RGS6: variants seen among roughly 807,000 people sequenced by gnomAD.
The protein encoded by RGS6 is regulator of G protein signaling 6.
Under a neutral mutation model 78.5 loss-of-function variants are expected in RGS6, and 30 were observed. That is an observed-to-expected ratio of 0.38 (90% CI 0.29 to 0.52). The LOEUF (loss-of-function observed/expected upper bound fraction) is 0.52. Among genes scored for constraint, RGS6 ranks in the 20% least tolerant of loss-of-function variants. The pLI is 0.85. For synonymous variants in RGS6, 206 were observed against 206.0 expected (o/e 1.00, Z 0.00); for missense variants, 495 against 609.7 (o/e 0.81, Z 1.98).
chr14:72,541,781 G>A (rs2097331240), intron 17 of RGS6, among the ~76,000 whole-genome samples: 1 of 152,230 alleles, frequency 6.6e-6, no homozygotes, highest in African/African-American at 2.4e-5. Flanking sequence ...GGCCACGGGT[G>A]TGAGAGGGGA....
intron 3 of RGS6, among the ~76,000 whole-genome samples, chr14:72,428,687 A>C (rs1463294878): frequency 6.6e-6 from 1 of 152,202 alleles, no homozygotes; most frequent in Admixed American, 6.5e-5. Flanking sequence ...GCCTTGCTGC[A>C]ACAGATAGGA....
Position 72,465,685 on chromosome 14 carries a change from G to A in RGS6, c.395-73G>A. 6.5e-6 allele frequency: 7 copies of A among 1,070,910 alleles called. No homozygotes were observed. The South Asian group carries it at 9.0e-5, about 14-fold the overall frequency. 66.3% of individuals were successfully genotyped at this position (1,070,910 alleles called of 1,614,324 possible). On this transcript the variant is annotated intron_variant, in intron 6 of 17. Transcript: ENST00000553525. Reference sequence around the variant, plus strand: ...GGGTGAATGGGTGAATGGATGGACAGATGGATGGATGGGCTTATAATTCCA... The same window carrying A: ...GGGTGAATGGGTGAATGGATGGACAAATGGATGGATGGGCTTATAATTCCA...
At chr14:72,163,454 G>T (rs923136312) in intron 2 of RGS6, among the ~76,000 whole-genome samples, 5 of 152,210 alleles carry the variant, frequency 3.3e-5, no homozygotes, top group African/African-American at 7.2e-5. Context: ...GCAGGTACCG[G>T]ACTCTCAAGA....
chr14:71,867,449 A>G, the RGS6 span, among the ~76,000 whole-genome samples: 100 of 151,944 alleles, frequency 6.6e-4, 1 homozygote, highest in African/African-American at 2.4e-3. Flanking sequence ...ATCATCTCAC[A>G]TCCAATAGAG....
chr14:72,411,287 TC>T (rs1420680159), intron 3 of RGS6, among the ~76,000 whole-genome samples: 1 of 152,244 alleles, frequency 6.6e-6, no homozygotes, highest in Non-Finnish European at 1.5e-5. Flanking sequence ...GTCATTCATA[TC>T]CCTTGTCAGT....
chr14:72,171,308 G>T (rs2097014300), intron 2 of RGS6, among the ~76,000 whole-genome samples: 1 of 152,142 alleles, frequency 6.6e-6, no homozygotes, highest in African/African-American at 2.4e-5. Flanking sequence ...TTTTCAGCCA[G>T]TCATTATAGA....
intron 2 of RGS6, among the ~76,000 whole-genome samples, chr14:72,047,364 TAATCCCCACA>T (rs1425611397): frequency 6.6e-6 from 1 of 152,264 alleles, no homozygotes; most frequent in Non-Finnish European, 1.5e-5. Context: ...TAGTTTTGTT[TAATCCCCACA>T]ATATATCTAA....
At chr14:72,096,280 TAAAAA>T (rs34691700) in intron 2 of RGS6, among the ~76,000 whole-genome samples, 1 of 144,168 alleles carries the variant, frequency 6.9e-6, no homozygotes, top group African/African-American at 2.5e-5. Flanking sequence ...GACTCTGTCT[TAAAAA>T]AAAAAAAAGA....
chr14:71,905,437 A>T, the RGS6 span, among the ~76,000 whole-genome samples: 1 of 152,200 alleles, frequency 6.6e-6, no homozygotes, highest in South Asian at 2.1e-4. Flanking sequence ...CTGAAAATGT[A>T]TACTTAAACA....
chr14:72,054,376 G>C (rs1235336388), intron 2 of RGS6, among the ~76,000 whole-genome samples: 1 of 152,210 alleles, frequency 6.6e-6, no homozygotes, highest in Non-Finnish European at 1.5e-5. Flanking sequence ...GAAGATGACA[G>C]TTCTACACCT....
chr14:72,006,353 A>G (rs568481296), intron 2 of RGS6, among the ~76,000 whole-genome samples: 3 of 152,314 alleles, frequency 2.0e-5, no homozygotes. Flanking sequence ...CTACCTCCTC[A>G]TATTCAAGCC....
At chr14:72,445,128 G>A (rs951800740) in intron 3 of RGS6, among the ~76,000 whole-genome samples, 4 of 152,220 alleles carry the variant, frequency 2.6e-5, no homozygotes, top group Non-Finnish European at 5.9e-5. Context: ...AAAAGGAGGA[G>A]GCTTTGAATT....
chr14:72,540,490 GAA>G (rs113373446), intron 17 of RGS6: 13,361 of 1,376,230 alleles, frequency 9.7e-3, no homozygotes, highest in East Asian at 0.025. Flanking sequence ...ATAGCTCATC[GAA>G]AAAAAAAAAA....
chr14:72,062,375 C>T (rs1044657289), intron 2 of RGS6, among the ~76,000 whole-genome samples: 3 of 152,182 alleles, frequency 2.0e-5, no homozygotes, highest in Non-Finnish European at 4.4e-5. Flanking sequence ...AGGGCCTGCC[C>T]TGCCTCTGAT....
At chr14:72,027,133 T>C (rs2090018271) in intron 2 of RGS6, among the ~76,000 whole-genome samples, 1 of 151,994 alleles carries the variant, frequency 6.6e-6, no homozygotes, top group African/African-American at 2.4e-5. Flanking sequence ...TTGTGGGTCA[T>C]GGCATGGTCA....
intron 2 of RGS6, among the ~76,000 whole-genome samples, chr14:72,351,068 T>C (rs1056986757): frequency 2.6e-5 from 4 of 152,186 alleles, no homozygotes; most frequent in African/African-American, 4.8e-5. Context: ...TATGTTAGAA[T>C]AAGTGAGCTG....
chr14:72,444,791 A>G (rs530435943), intron 3 of RGS6, among the ~76,000 whole-genome samples: 1 of 152,258 alleles, frequency 6.6e-6, no homozygotes, highest in Non-Finnish European at 1.5e-5. Context: ...CCCCTGGTTT[A>G]GGAGTGCATA....
At chr14:72,461,455 TAAAC>T (rs938064025) in intron 6 of RGS6, among the ~76,000 whole-genome samples, 2 of 152,196 alleles carry the variant, frequency 1.3e-5, no homozygotes, top group African/African-American at 4.8e-5. Flanking sequence ...AGGCTCTCAT[TAAAC>T]AAAAATTATT....
chr14:72,506,008 G>A (rs960012346), intron 13 of RGS6, among the ~76,000 whole-genome samples: 3 of 152,170 alleles, frequency 2.0e-5, no homozygotes, highest in African/African-American at 7.2e-5. Context: ...TCCAGTGGGA[G>A]GCAGGAACTT....
Sources: allele counts gnomAD v4.1 joint callset (sites outside exome capture counted in the v4.1 genomes callset), GRCh38; gene constraint gnomAD v4.1.1; transcripts MANE v1.5; gene names NCBI Gene and HGNC (gene_info 2026-07-23, HGNC 2026-07-21).